The following CCNJL variants were observed in gnomAD, a reference collection of about 807,000 sequenced individuals.
The protein encoded by CCNJL is cyclin-J-like protein.
In CCNJL, 33 loss-of-function variants were observed where a neutral mutation model predicts 33.4. The ratio of observed to expected loss-of-function variants is 0.99; its 90% CI spans 0.75 to 1.32. CCNJL has a LOEUF of 1.32. Ranked by LOEUF, CCNJL falls within the 40% of genes most tolerant of loss-of-function variation. CCNJL has a pLI of 0.00. For missense variants in CCNJL, 512 were observed against 499.7 expected (o/e 1.02, Z -0.23); for synonymous variants, 227 against 220.9 (o/e 1.03, Z -0.24).
At chr5:160,313,009 G>T (rs1473291957), upstream of CCNJL, 1 of 151,516 alleles carries the variant, frequency 6.6e-6, no homozygotes, top group Non-Finnish European at 1.5e-5. Context: ...TGGGGAGGTA[G>T]ATTTCCAAAC....
chr5:160,276,046 C>T (rs1761996298), intron 3 of CCNJL, among the ~76,000 whole-genome samples: 2 of 152,224 alleles, frequency 1.3e-5, no homozygotes, highest in Non-Finnish European at 2.9e-5. Flanking sequence ...CATCCATCAA[C>T]AGATGACTGG....
At chr5:160,267,178 G>A (rs1342876937) in intron 3 of CCNJL, among the ~76,000 whole-genome samples, 2 of 152,190 alleles carry the variant, frequency 1.3e-5, no homozygotes, top group Non-Finnish European at 2.9e-5. Context: ...GGCATCAAAT[G>A]TGCTGGCAGA....
At chr5:160,304,116 G>C (rs894903654) in intron 2 of CCNJL, among the ~76,000 whole-genome samples, 1 of 152,168 alleles carries the variant, frequency 6.6e-6, no homozygotes, top group Non-Finnish European at 1.5e-5. Context: ...AGCCTTCAAA[G>C]GTAATTTGCT....
At chr5:160,263,145 C>T (rs1761419825) in intron 3 of CCNJL, among the ~76,000 whole-genome samples, 1 of 152,216 alleles carries the variant, frequency 6.6e-6, no homozygotes, top group Non-Finnish European at 1.5e-5. Context: ...TCCATGTGTG[C>T]TCTGTCTAGG....
rs749695086 is a variant in CCNJL at position 160,249,793 on chromosome 5, TA to T, written c.*3584del. Reference sequence around the variant, plus strand: ...ATAAATAAATAAATAAATAAATAAATAAATAAATAAATAAAATAAAAATTTA... The same window carrying T: ...ATAAATAAATAAATAAATAAATAAATAATAAATAAATAAAATAAAAATTTA... On this transcript the variant is annotated 3_prime_UTR_variant, in exon 6 of 6. Coordinates refer to ENST00000257536, the MANE Select transcript of CCNJL (RefSeq NM_001308173.3). 3 of 126,848 alleles carry T rather than the reference TA, an allele frequency of 2.4e-5. No homozygotes were observed. The highest frequency in any genetic ancestry group is 9.1e-5 in the African/African-American group (3 of 32,948). The allele number at this position is 126,848 out of a possible 1,614,324, so 7.9% of individuals were successfully genotyped here. A position where few individuals can be genotyped will look rare whatever the true frequency, so the allele number is the denominator to read the frequency against.
intron 3 of CCNJL, among the ~76,000 whole-genome samples, chr5:160,270,361 T>G (rs561675497): frequency 6.6e-6 from 1 of 152,200 alleles, no homozygotes; most frequent in South Asian, 2.1e-4. Flanking sequence ...GGAGAATCAT[T>G]TGAACCTGGG....
intron 4 of CCNJL, chr5:160,258,596 GT>G: frequency 7.2e-7 from 1 of 1,394,062 alleles, no homozygotes; most frequent in Non-Finnish European, 1.0e-6. Flanking sequence ...TAATCATGTA[GT>G]TGAAGTCTGT....
chr5:160,308,937 T>A (rs750465468), intron 2 of CCNJL, among the ~76,000 whole-genome samples: 2 of 152,162 alleles, frequency 1.3e-5, no homozygotes, highest in Non-Finnish European at 2.9e-5. Context: ...AAAGAGCCAG[T>A]GCAAAGACCC....
intron 3 of CCNJL, among the ~76,000 whole-genome samples, chr5:160,272,203 G>A (rs1411122695): frequency 6.6e-6 from 1 of 152,218 alleles, no homozygotes; most frequent in Non-Finnish European, 1.5e-5. Flanking sequence ...CCAGTGGGGA[G>A]ACCCCATCCC....
intron 1 of CCNJL, among the ~76,000 whole-genome samples, chr5:160,319,712 C>T (rs892953087): frequency 1.3e-5 from 2 of 152,142 alleles, no homozygotes; most frequent in African/African-American, 4.8e-5. Flanking sequence ...GGGAGGATCA[C>T]CTGAGTCCAG....
At chr5:160,283,554 G>T (rs970764580) in intron 2 of CCNJL, among the ~76,000 whole-genome samples, 1 of 152,202 alleles carries the variant, frequency 6.6e-6, no homozygotes, top group Non-Finnish European at 1.5e-5. Context: ...ATACAGGTAT[G>T]CAATGTGAAA....
intron 3 of CCNJL, among the ~76,000 whole-genome samples, chr5:160,263,883 C>T (rs190529816): frequency 2.2e-4 from 33 of 151,382 alleles, no homozygotes; most frequent in Non-Finnish European, 1.5e-4. Flanking sequence ...ATTCCATCTA[C>T]ATTTTTCTTT....
chr5:160,300,079 A>C (rs1762876515), intron 2 of CCNJL, among the ~76,000 whole-genome samples: 1 of 151,714 alleles, frequency 6.6e-6, no homozygotes, highest in Non-Finnish European at 1.5e-5. Context: ...CAACCCTTCC[A>C]CCCAAATCAC....
intron 1 of CCNJL, among the ~76,000 whole-genome samples, chr5:160,325,039 G>A (rs1008733335): frequency 7.9e-5 from 12 of 152,170 alleles, no homozygotes; most frequent in Admixed American, 3.9e-4. Context: ...CTCTGTGGCC[G>A]TGGGCAAGTG....
intron 3 of CCNJL, among the ~76,000 whole-genome samples, chr5:160,262,751 C>A (rs1761398964): frequency 6.6e-6 from 1 of 152,196 alleles, no homozygotes; most frequent in African/African-American, 2.4e-5. Flanking sequence ...CTTGGCCTGG[C>A]CAGCAGTTAA....
Position 160,252,248 on chromosome 5 carries a change from C to T in CCNJL, c.*1130G>A, listed in dbSNP as rs534324366. 6.5e-6 allele frequency: 1 copy of T among 152,772 alleles called. No individual in the cohort carries two copies. Among genetic ancestry groups the T allele is most frequent in the South Asian group, 2.1e-4 (1 of 4,832 alleles). 9.5% of individuals were successfully genotyped at this position (152,772 alleles called of 1,614,324 possible). On this transcript the variant is annotated 3_prime_UTR_variant, in exon 6 of 6. Transcript: ENST00000257536. Reference sequence around the variant, plus strand: ...AGATCCCTAAATACTGGCTTTTGATCCAACCAGTCGCTTGCCTATCAATGG... The same window carrying T: ...AGATCCCTAAATACTGGCTTTTGATTCAACCAGTCGCTTGCCTATCAATGG...
intron 3 of CCNJL, among the ~76,000 whole-genome samples, chr5:160,270,352 G>A (rs1761782836): frequency 6.6e-6 from 1 of 152,136 alleles, no homozygotes; most frequent in Non-Finnish European, 1.5e-5. Flanking sequence ...GCTGTGGCAG[G>A]AGAATCATTT....
At chr5:160,276,057 A>G (rs2113329178) in intron 3 of CCNJL, among the ~76,000 whole-genome samples, 1 of 152,368 alleles carries the variant, frequency 6.6e-6, no homozygotes, top group East Asian at 1.9e-4. Flanking sequence ...AGATGACTGG[A>G]TAAACACACT....
chr5:160,320,245 C>T (rs1454093812), intron 1 of CCNJL, among the ~76,000 whole-genome samples: 1 of 152,188 alleles, frequency 6.6e-6, no homozygotes. Flanking sequence ...TAGAACCTTC[C>T]GATGACATTG....
Sources: gnomAD v4.1 joint callset for allele counts (sites outside exome capture counted in the v4.1 genomes callset) on GRCh38, gnomAD v4.1.1 for gene constraint, MANE v1.5 for transcripts, NCBI Gene and HGNC (gene_info 2026-07-23, HGNC 2026-07-21) for gene names.